Variants in ZNF266 observed in about 807,000 individuals in gnomAD.
The protein encoded by ZNF266 is zinc finger protein 1.
ZNF266 carries 16 observed loss-of-function variants against 16.4 expected under a neutral mutation model. The ratio of observed to expected loss-of-function variants is 0.98; its 90% CI spans 0.66 to 1.48. The LOEUF (loss-of-function observed/expected upper bound fraction) is 1.48, where lower values mean the gene tolerates loss of function less well. Among genes scored for constraint, ZNF266 ranks in the 40% most tolerant of loss-of-function variants. The pLI, the probability that ZNF266 is intolerant of heterozygous loss-of-function variation, is 0.00. For missense variants in ZNF266, 738 were observed against 689.1 expected (o/e 1.07, Z -0.79); for synonymous variants, 262 against 237.9 (o/e 1.10, Z -0.93).
chr19:9,414,528 G>C lies in ZNF266; in HGVS notation c.598C>G (p.Gln200Glu). The change falls in exon 11 of 11, where the codon CAG becomes GAG. Residue 200 changes from glutamine (Q) to glutamate (E), a missense_variant. Gln to Glu is a conservative substitution (Grantham distance 29). Transcript: ENST00000592904. ...TTCAGGCTGAAGGCTTTTCCACACT[G>C]ACTAAATACAGAACGTTGCTCTCCA... ...STGEQRSVFS[Q>E]CGKAFSLNPD... The C allele has an allele frequency of 6.2e-7, 1 of 1,614,116 alleles. No homozygotes were observed. The highest frequency in any genetic ancestry group is 1.1e-5 in the South Asian group (1 of 91,064).
chr19:9,417,905 T>C lies in ZNF266; in HGVS notation c.239A>G (p.Tyr80Cys), dbSNP rs754083707. 2 of 1,614,032 alleles carry C rather than the reference T, an allele frequency of 1.2e-6. No homozygotes were observed. The highest frequency in any genetic ancestry group is 1.7e-6 in the Non-Finnish European group (2 of 1,179,920). The change falls in exon 9 of 11, where the codon TAT (tyrosine) becomes TGT (cysteine). Residue 80 changes from tyrosine (Y) to cysteine (C), a missense_variant. Transcript: ENST00000592904. ...GATCAGACTGGGTTTGAAGAGCTGA[T>C]ATCCTGTGCACAAAGAAAGATACAT... is the stretch of plus-strand genomic sequence containing the variant. ...ENYKNLATVGYQLFKPSLISW... is the reference protein window; with the variant it reads ...ENYKNLATVGCQLFKPSLISW...
At chr19:9,415,485 C>T (rs1359881739) in intron 10 of ZNF266, among the ~76,000 whole-genome samples, 169 bp downstream of exon 10, 1 of 152,138 alleles carries the variant, frequency 6.6e-6, no homozygotes, top group African/African-American at 2.4e-5. Context: ...GCTACGTTGA[C>T]CAGGCTGGTC....
In ZNF266 at chr19:9,435,460, C is replaced by T. The variant is rs1006349318; in HGVS notation, c.-734G>A. ...GGGCAAACCGGTACTTTCGCCACCC[C>T]TTCCACCGCTGGCTCCCACCCGTCA... On this transcript the variant is annotated 5_prime_UTR_variant, in exon 1 of 11. Transcript: ENST00000592904. 1.3e-5 allele frequency: 2 copies of T among 152,366 alleles called. No individual in the cohort carries two copies. The highest frequency in any genetic ancestry group is 2.9e-5 in the Non-Finnish European group (2 of 68,178). The allele number at this position is 152,366 out of a possible 1,614,324, so 9.4% of individuals were successfully genotyped here. A position where few individuals can be genotyped will look rare whatever the true frequency, so the allele number is the denominator to read the frequency against.
At chr19:9,415,378 C>T (rs1317306114) in intron 10 of ZNF266, among the ~76,000 whole-genome samples, 3 of 152,198 alleles carry the variant, frequency 2.0e-5, no homozygotes, top group Non-Finnish European at 4.4e-5. Flanking sequence ...GAGTCATTAT[C>T]CCTTTTGGGA....
chr19:9,428,860 T>G (rs2071172907), intron 5 of ZNF266, among the ~76,000 whole-genome samples: 1 of 152,080 alleles, frequency 6.6e-6, no homozygotes, highest in Non-Finnish European at 1.5e-5. Flanking sequence ...TTACAGACAT[T>G]ATTAGTAACC....
At chr19:9,418,362 C>G in intron 8 of ZNF266, 143 bp downstream of exon 8, 1 of 854,954 alleles carries the variant, frequency 1.2e-6, no homozygotes. Context: ...TGAGAATCAC[C>G]AAGTAGATGA....
intron 5 of ZNF266, among the ~76,000 whole-genome samples, chr19:9,422,534 G>C (rs2070084139): frequency 6.6e-6 from 1 of 152,202 alleles, no homozygotes; most frequent in Non-Finnish European, 1.5e-5. Flanking sequence ...ACCAAAGACT[G>C]GTTTCCCCTG....
intron 9 of ZNF266, among the ~76,000 whole-genome samples, chr19:9,417,133 G>A (rs2069155586): frequency 6.6e-6 from 1 of 152,082 alleles, no homozygotes; most frequent in South Asian, 2.1e-4. Flanking sequence ...CACTTTGGGA[G>A]GCCAAGGCAG....
intron 5 of ZNF266, among the ~76,000 whole-genome samples, chr19:9,425,244 C>A (rs911084479): frequency 1.3e-5 from 2 of 152,240 alleles, no homozygotes; most frequent in Admixed American, 1.3e-4. Flanking sequence ...CAAGGCCCAA[C>A]AGGTCCTCTC....
intron 5 of ZNF266, among the ~76,000 whole-genome samples, chr19:9,432,974 C>T (rs1280805161): frequency 6.6e-6 from 1 of 152,166 alleles, no homozygotes; most frequent in Non-Finnish European, 1.5e-5. Context: ...CATTCATTCT[C>T]CAATCCACCT....
chr19:9,432,158 C>G (rs2071707110), intron 5 of ZNF266, among the ~76,000 whole-genome samples: 1 of 151,998 alleles, frequency 6.6e-6, no homozygotes, highest in Admixed American at 6.6e-5. Context: ...AGGGTTTCAC[C>G]ATGTTGGCCA....
rs1449174568 is a variant in ZNF266, at chr19:9,412,766, A to C, written c.*509T>G. ...CTGGTGGATCCACACAGTCTTCTCC[A>C]TGTGTATCCTTCCTTCAGTTTCCCT... On this transcript the variant is annotated 3_prime_UTR_variant, in exon 11 of 11. Transcript: ENST00000592904. The C allele has an allele frequency of 1.9e-5, 3 of 154,640 alleles. No individual in the cohort carries two copies. The highest frequency in any genetic ancestry group is 7.2e-5 in the African/African-American group (3 of 41,462). The allele number at this position is 154,640 out of a possible 1,614,324, so 9.6% of individuals were successfully genotyped here.
chr19:9,433,177 T>A (rs2071891331), intron 5 of ZNF266, among the ~76,000 whole-genome samples: 1 of 152,216 alleles, frequency 6.6e-6, no homozygotes, highest in African/African-American at 2.4e-5. Context: ...GTGGCCCTAC[T>A]GGAATTTGAT....
intron 5 of ZNF266, among the ~76,000 whole-genome samples, chr19:9,428,066 C>T (rs1448084562): frequency 1.3e-5 from 2 of 152,136 alleles, no homozygotes; most frequent in African/African-American, 2.4e-5. Flanking sequence ...GTCTCTAGAC[C>T]ACTTACGATG....
chr19:9,428,554 G>A (rs2123370303), intron 5 of ZNF266, among the ~76,000 whole-genome samples: 1 of 152,246 alleles, frequency 6.6e-6, no homozygotes, highest in Non-Finnish European at 1.5e-5. Flanking sequence ...CCCTTAGCCA[G>A]GATGTCCCTA....
chr19:9,431,395 G>A (rs557885954), intron 5 of ZNF266, among the ~76,000 whole-genome samples: 1 of 150,012 alleles, frequency 6.7e-6, no homozygotes, highest in South Asian at 2.1e-4. Flanking sequence ...GATGGCTTGT[G>A]TCCCTCATGA....
chr19:9,427,560 C>T (rs1209965032), intron 5 of ZNF266, among the ~76,000 whole-genome samples: 1 of 152,050 alleles, frequency 6.6e-6, no homozygotes, highest in African/African-American at 2.4e-5. Context: ...CTCCTGACCT[C>T]AAGTGATCTG....
At chr19:9,435,000 G>A (rs2072247646) in intron 2 of ZNF266, 108 bp downstream of exon 2, 1 of 152,138 alleles carries the variant, frequency 6.6e-6, no homozygotes, top group Non-Finnish European at 1.5e-5. Flanking sequence ...GTTTCTACCT[G>A]AATGTAGAGT....
At chr19:9,415,489 G>T (rs1004450778) in intron 10 of ZNF266, among the ~76,000 whole-genome samples, 165 bp downstream of exon 10, 2 of 152,092 alleles carry the variant, frequency 1.3e-5, no homozygotes, top group Non-Finnish European at 2.9e-5. Flanking sequence ...CGTTGACCAG[G>T]CTGGTCTAGA....
Sources: gnomAD v4.1 joint callset for allele counts (sites outside exome capture counted in the v4.1 genomes callset) on GRCh38, gnomAD v4.1.1 for gene constraint, MANE v1.5 for transcripts, NCBI Gene and HGNC (gene_info 2026-07-23, HGNC 2026-07-21) for gene names.